FBN1: variants seen among roughly 807,000 people sequenced by gnomAD.
FBN1 encodes the protein fibrillin-1.
FBN1 carries 29 observed loss-of-function variants against 365.1 expected under a neutral mutation model. The ratio of observed to expected loss-of-function variants is 0.08; its 90% CI spans 0.06 to 0.11. FBN1 has a LOEUF of 0.11. Ranked by LOEUF, FBN1 falls within the 10% of genes least tolerant of loss-of-function variation. The probability of loss-of-function intolerance (pLI) is 1.00; values close to 1 mark genes in which losing one functional copy is unlikely to be tolerated. For synonymous variants in FBN1, 1,210 were observed against 1,270.5 expected (o/e 0.95, Z 1.01); for missense variants, 2,476 against 3,703.2 (o/e 0.67, Z 8.60).
rs757177349 is a variant in FBN1 at position 48,488,234 on chromosome 15, G to A, written c.3216C>T (p.Asp1072=). 30 of 1,614,038 alleles carry A rather than the reference G, an allele frequency of 1.9e-5. No individual in the cohort carries two copies. The highest frequency in any genetic ancestry group is 2.4e-5 in the Non-Finnish European group (28 of 1,180,040). The stretch of plus-strand genomic sequence containing the variant: ...AGAGGTCAGGAGATATGCGGCATTC[G>A]TCAATGTCTGCACAAAAACAGCAAG... ...DSEERNCTDI[D]ECRISPDLCG... is the part of the protein sequence containing the mutation. The change falls in exon 27 of 66, where the codon GAC becomes GAT. Residue 1072 remains aspartate (D), a synonymous_variant. Coordinates refer to ENST00000316623, the MANE Select transcript of FBN1 (RefSeq NM_000138.5).
At chr15:48,490,490 G>T (rs1247774633) in intron 24 of FBN1, among the ~76,000 whole-genome samples, 1 of 152,166 alleles carries the variant, frequency 6.6e-6, no homozygotes, top group Non-Finnish European at 1.5e-5. Flanking sequence ...GAGCGTGTCT[G>T]CCCTAGTGCA....
chr15:48,595,640 A>C (rs955605141), intron 6 of FBN1, among the ~76,000 whole-genome samples: 1 of 152,200 alleles, frequency 6.6e-6, no homozygotes, highest in Non-Finnish European at 1.5e-5. Context: ...CACACATTCA[A>C]ATTAAAGGTT....
chr15:48,610,319 A>G (rs2044646851), intron 4 of FBN1, among the ~76,000 whole-genome samples: 1 of 152,190 alleles, frequency 6.6e-6, no homozygotes, highest in African/African-American at 2.4e-5. Flanking sequence ...AGGGGTCTTG[A>G]GTCTTAAATA....
chr15:48,575,802 TAC>T (rs58125518), intron 6 of FBN1, among the ~76,000 whole-genome samples: 10,099 of 139,888 alleles, frequency 0.072, 334 homozygotes, highest in African/African-American at 0.078. Flanking sequence ...AAATGTGAGA[TAC>T]ACACACACAC....
intron 56 of FBN1, among the ~76,000 whole-genome samples, chr15:48,428,976 G>C (rs1051723288): frequency 6.6e-6 from 1 of 152,174 alleles, no homozygotes; most frequent in Non-Finnish European, 1.5e-5. Flanking sequence ...TCCTTCCAGA[G>C]CTGGATTATG....
At chr15:48,536,090 C>A (rs932932043) in intron 7 of FBN1, among the ~76,000 whole-genome samples, 6 of 152,072 alleles carry the variant, frequency 3.9e-5, no homozygotes, top group African/African-American at 1.4e-4. Flanking sequence ...GCAAGAGCCA[C>A]AACCTGGTGG....
chr15:48,446,691 A>T lies in FBN1; in HGVS notation c.5788+15T>A, dbSNP rs543458649. 25 of 1,525,076 alleles carry T rather than the reference A, an allele frequency of 1.6e-5. No homozygotes were observed. In the South Asian group the frequency reaches 2.7e-4, roughly 16 times the overall value. The allele number at this position is 1,525,076 out of a possible 1,614,324, so 94.5% of individuals were successfully genotyped here. A position where few individuals can be genotyped will look rare whatever the true frequency, so the allele number is the denominator to read the frequency against. ...AACTGACTTCCTTTGCTGATGCACA[A>T]TTTTGCACACGCACCTATACAGTCA... is the stretch of plus-strand genomic sequence containing the variant. On this transcript the variant is annotated intron_variant, in intron 47 of 65. Coordinates refer to ENST00000316623, the MANE Select transcript of FBN1 (RefSeq NM_000138.5).
At chr15:48,603,596 C>G (rs2044583868) in intron 4 of FBN1, among the ~76,000 whole-genome samples, 1 of 152,140 alleles carries the variant, frequency 6.6e-6, no homozygotes, top group Admixed American at 6.5e-5. Context: ...AACAAGAATT[C>G]TAGATGTATC....
At chr15:48,535,160 C>T (rs1303753510) in intron 7 of FBN1, among the ~76,000 whole-genome samples, 2 of 152,198 alleles carry the variant, frequency 1.3e-5, no homozygotes, top group Non-Finnish European at 2.9e-5. Context: ...CCACTTTAGC[C>T]ACGAGCCCTT....
chr15:48,584,141 A>G (rs540695275), intron 6 of FBN1, among the ~76,000 whole-genome samples: 1 of 152,196 alleles, frequency 6.6e-6, no homozygotes, highest in African/African-American at 2.4e-5. Flanking sequence ...TTTCTTATAC[A>G]TGTATTATGT....
chr15:48,528,260 TA>T (rs2043933388), intron 8 of FBN1, among the ~76,000 whole-genome samples: 1 of 152,224 alleles, frequency 6.6e-6, no homozygotes, highest in Non-Finnish European at 1.5e-5. Context: ...AAAATTTGTT[TA>T]AACAATAGAA....
At chr15:48,481,886 C>T (rs2043468130) in intron 31 of FBN1, 106 bp from the exon 32 acceptor site, 5 of 1,158,284 alleles carry the variant, frequency 4.3e-6, no homozygotes, top group Admixed American at 3.8e-5. Context: ...AGGTAAAATG[C>T]TTTCCCTCAG....
chr15:48,576,506 C>A (rs1311323713), intron 6 of FBN1, among the ~76,000 whole-genome samples: 1 of 152,120 alleles, frequency 6.6e-6, no homozygotes, highest in African/African-American at 2.4e-5. Context: ...AGGGCAGGAA[C>A]CTTGTTTTAT....
intron 55 of FBN1, among the ~76,000 whole-genome samples, chr15:48,432,572 G>A (rs1172484670): frequency 1.3e-5 from 2 of 152,118 alleles, no homozygotes; most frequent in Non-Finnish European, 2.9e-5. Flanking sequence ...TTTTTTGAAC[G>A]TGGGGAAATG....
intron 45 of FBN1, among the ~76,000 whole-genome samples, chr15:48,451,949 G>A (rs556457652): frequency 1.3e-5 from 2 of 152,220 alleles, no homozygotes; most frequent in South Asian, 2.1e-4. Flanking sequence ...TGACAAAAGT[G>A]AACACCAAAA....
At chr15:48,495,352 G>C (rs1218535280) in intron 21 of FBN1, 92 bp from the exon 22 acceptor site, 2 of 1,592,920 alleles carry the variant, frequency 1.3e-6, no homozygotes, top group African/African-American at 2.7e-5. Flanking sequence ...TTGAAACAAG[G>C]AATAATGAAG....
At position 48,520,933 on chromosome 15, in the gene FBN1, C is replaced by T. The variant is rs943168721; in HGVS notation, c.989-116G>A. 5.1e-6 allele frequency: 7 copies of T among 1,367,386 alleles called. No homozygotes were observed. In the African/African-American group the frequency reaches 9.9e-5, roughly 19 times the overall value. 84.7% of individuals were successfully genotyped at this position (1,367,386 alleles called of 1,614,324 possible). ...CTGGGGCTACGGCAGGATTAACTCA[C>T]ACCTCTGCCCCCCGGAAGGGAAGCT... On this transcript the variant is annotated intron_variant, in intron 9 of 65. Coordinates refer to ENST00000316623, the MANE Select transcript of FBN1 (RefSeq NM_000138.5).
intron 38 of FBN1, 35 bp from the exon 39 acceptor site, chr15:48,465,893 A>G (rs2043316924): frequency 6.8e-7 from 1 of 1,460,328 alleles, no homozygotes; most frequent in African/African-American, 1.4e-5. Flanking sequence ...AGTTGTTTTG[A>G]ATCTAAAGTT....
chr15:48,597,523 A>T (rs2044525181), intron 5 of FBN1, among the ~76,000 whole-genome samples: 1 of 152,166 alleles, frequency 6.6e-6, no homozygotes, highest in Non-Finnish European at 1.5e-5. Context: ...CTCCTTGCAC[A>T]GGATCAGACA....
Sources: gnomAD v4.1 joint callset for allele counts (sites outside exome capture counted in the v4.1 genomes callset) on GRCh38, gnomAD v4.1.1 for gene constraint, MANE v1.5 for transcripts, NCBI Gene and HGNC (gene_info 2026-07-23, HGNC 2026-07-21) for gene names.